The following ZNF141 variants were observed in gnomAD, a reference collection of about 807,000 sequenced individuals.
ZNF141 encodes the protein zinc finger protein 141.
ZNF141 carries 7 observed loss-of-function variants against 11.3 expected under a neutral mutation model. The ratio of observed to expected loss-of-function variants is 0.62; its 90% confidence interval spans 0.35 to 1.16. ZNF141 has a LOEUF of 1.16. Ranked by LOEUF, ZNF141 falls within the 50% of genes most tolerant of loss-of-function variation. The pLI is 0.02. For synonymous variants in ZNF141, 183 were observed against 190.7 expected, an observed-to-expected ratio of 0.96 and a Z score of 0.33; for missense variants, 535 against 554.0, an observed-to-expected ratio of 0.97 and a Z score of 0.34.
intron 3 of ZNF141, among the ~76,000 whole-genome samples, chr4:356,993 T>C (rs782245755): frequency 1.3e-5 from 2 of 152,192 alleles, no homozygotes; most frequent in Non-Finnish European, 2.9e-5. Context: ...CTTACTTTGT[T>C]ACTCAGGCTA....
At chr4:365,581 A>T (rs1029543398) in intron 3 of ZNF141, among the ~76,000 whole-genome samples, 1 of 152,170 alleles carries the variant, frequency 6.6e-6, no homozygotes, top group African/African-American at 2.4e-5. Flanking sequence ...ATTTTCTTTC[A>T]TTCTGTAGAT....
chr4:350,436 G>A (rs1156252432), intron 3 of ZNF141, among the ~76,000 whole-genome samples: 1 of 152,140 alleles, frequency 6.6e-6, no homozygotes, highest in Non-Finnish European at 1.5e-5. Flanking sequence ...CCTTATTGTA[G>A]CATCTGACAA....
chr4:356,424 C>T (rs1721842948), intron 3 of ZNF141, among the ~76,000 whole-genome samples: 1 of 151,694 alleles, frequency 6.6e-6, no homozygotes, highest in Non-Finnish European at 1.5e-5. Flanking sequence ...CTCCCAGATT[C>T]AAGCGATTCT....
intron 3 of ZNF141, among the ~76,000 whole-genome samples, chr4:369,549 G>C (rs1581621388): frequency 6.6e-6 from 1 of 151,442 alleles, no homozygotes; most frequent in East Asian, 1.9e-4. Flanking sequence ...TGAATAATTT[G>C]CTGAAATAGA....
chr4:383,478 A>G lies in ZNF141; in HGVS notation c.*9616A>G. The G allele has an allele frequency of 7.2e-6, 2 of 279,082 alleles. No individual in the cohort carries two copies. Among genetic ancestry groups the G allele is most frequent in the Non-Finnish European group, 1.3e-5 (2 of 150,638 alleles). The allele number at this position is 279,082 out of a possible 1,614,324, so 17.3% of individuals were successfully genotyped here. On this transcript the variant is annotated 3_prime_UTR_variant, in exon 4 of 4. Coordinates refer to ENST00000240499, the MANE Select transcript of ZNF141 (RefSeq NM_003441.4). ...TTAAAGTTAGATTTGTTGTAAGATG[A>G]TATTGAGTTACACAGAAGTTAGGCA... is the stretch of plus-strand genomic sequence containing the variant.
chr4:345,532 T>A (rs1391803208), intron 3 of ZNF141, among the ~76,000 whole-genome samples: 1 of 152,014 alleles, frequency 6.6e-6, no homozygotes, highest in Non-Finnish European at 1.5e-5. Flanking sequence ...AGTACAAGAC[T>A]AGCCTGACTA....
chr4:339,698 T>C (rs1720961866), intron 1 of ZNF141, among the ~76,000 whole-genome samples: 1 of 152,256 alleles, frequency 6.6e-6, no homozygotes, highest in African/African-American at 2.4e-5. Context: ...TTTAATCTGT[T>C]AACTAGGTGA....
At chr4:338,680 T>G (rs1483177302) in intron 1 of ZNF141, 1 of 153,132 alleles carries the variant, frequency 6.5e-6, no homozygotes, top group Non-Finnish European at 1.5e-5. Flanking sequence ...AGACAGGTGT[T>G]CAGAAATGAA....
At chr4:342,794 A>G (rs1553848720) in intron 1 of ZNF141, 1 of 1,579,378 alleles carries the variant, frequency 6.3e-7, no homozygotes, top group Non-Finnish European at 8.7e-7. Flanking sequence ...TATTGAAAAT[A>G]ATACAGCACT....
intron 3 of ZNF141, among the ~76,000 whole-genome samples, chr4:354,813 T>G (rs1721771036): frequency 6.6e-6 from 1 of 152,146 alleles, no homozygotes; most frequent in South Asian, 2.1e-4. Flanking sequence ...AGAAGCATGT[T>G]GTTTAATATC....
chr4:341,206 G>A (rs782474637), intron 1 of ZNF141, among the ~76,000 whole-genome samples: 1 of 151,914 alleles, frequency 6.6e-6, no homozygotes, highest in South Asian at 2.1e-4. Flanking sequence ...GATTACAGGC[G>A]CACGCCACCA....
rs1417109746 is a variant in ZNF141, at chr4:381,490, C to T, written c.*7628C>T. Reference sequence around the variant, plus strand: ...GTGGTGCAATCTCGGCTCACTGCAACCTCCGCCTCCTGGGTTCACACAATT... The same window carrying T: ...GTGGTGCAATCTCGGCTCACTGCAATCTCCGCCTCCTGGGTTCACACAATT... On this transcript the variant is annotated 3_prime_UTR_variant, in exon 4 of 4. Coordinates refer to ENST00000240499, the MANE Select transcript of ZNF141 (RefSeq NM_003441.4). Among the ~76,000 whole-genome samples the T allele has an allele frequency of 1.4e-5, 2 of 143,148 alleles. No individual in the cohort carries two copies. The highest frequency in any genetic ancestry group is 3.0e-5 in the Non-Finnish European group (2 of 66,830). The allele number at this position is 143,148 out of a possible 152,430, so 93.9% of individuals were successfully genotyped here.
intron 3 of ZNF141, among the ~76,000 whole-genome samples, chr4:357,387 C>A (rs1366319646): frequency 1.3e-5 from 2 of 151,132 alleles, no homozygotes; most frequent in Non-Finnish European, 2.9e-5. Flanking sequence ...CCACTGCACT[C>A]CAGCCTGAGT....
chr4:360,008 A>T (rs562834857), intron 3 of ZNF141, among the ~76,000 whole-genome samples: 1 of 152,294 alleles, frequency 6.6e-6, no homozygotes, highest in African/African-American at 2.4e-5. Context: ...AGTGGCATAA[A>T]CAAAACCAAA....
chr4:350,833 G>A (rs1446633165), intron 3 of ZNF141, among the ~76,000 whole-genome samples: 2 of 151,658 alleles, frequency 1.3e-5, no homozygotes, highest in Non-Finnish European at 2.9e-5. Flanking sequence ...TCCACCTCAC[G>A]GGTTCATGCC....
intron 3 of ZNF141, among the ~76,000 whole-genome samples, chr4:344,993 C>G (rs574785022): frequency 1.3e-5 from 2 of 152,262 alleles, no homozygotes; most frequent in African/African-American, 4.8e-5. Context: ...TCCACTTTAT[C>G]GCTTATAAGG....
intron 3 of ZNF141, among the ~76,000 whole-genome samples, chr4:352,112 G>A (rs180833104): frequency 1.3e-5 from 2 of 152,300 alleles, no homozygotes; most frequent in East Asian, 3.9e-4. Context: ...GGAGGGCCAG[G>A]CATGGTGGCT....
Position 364,852 on chromosome 4 carries a change from G to T in ZNF141, c.227-7812G>T, listed in dbSNP as rs576656316. Among the ~76,000 whole-genome samples, 9 of 148,202 alleles carry T rather than the reference G, an allele frequency of 6.1e-5. No individual in the cohort carries two copies. The East Asian group carries it at 7.9e-4, about 13-fold the overall frequency. The stretch of plus-strand genomic sequence containing the variant: ...TCAAACACCATGCTGGGAGAACCAC[G>T]ATTCTCTTCAGAGCCATCATACAGG... On this transcript the variant is annotated intron_variant, in intron 3 of 3. Coordinates refer to ENST00000240499, the MANE Select transcript of ZNF141 (RefSeq NM_003441.4).
chr4:368,148 T>C (rs114750959), intron 3 of ZNF141, among the ~76,000 whole-genome samples: 110 of 152,336 alleles, frequency 7.2e-4, no homozygotes, highest in African/African-American at 2.5e-3. Flanking sequence ...GGCTGACTTA[T>C]TTTGTGTTAC....
Sources: gnomAD v4.1 joint callset for allele counts (sites outside exome capture counted in the v4.1 genomes callset) on GRCh38, gnomAD v4.1.1 for gene constraint, MANE v1.5 for transcripts, NCBI Gene and HGNC (gene_info 2026-07-23, HGNC 2026-07-21) for gene names.